The following MACROD2 variants were observed in gnomAD, a reference collection of about 807,000 sequenced individuals.
MACROD2 encodes mono-ADP ribosylhydrolase 2.
A neutral mutation model predicts 70.4 loss-of-function variants in MACROD2; 36 were observed. The ratio of observed to expected loss-of-function variants is 0.51; its 90% confidence interval spans 0.39 to 0.68. The LOEUF (loss-of-function observed/expected upper bound fraction) is 0.68. MACROD2 is among the 30% of genes least tolerant of loss of function. The probability of loss-of-function intolerance (pLI) is 0.00; values close to 1 mark genes in which losing one functional copy is unlikely to be tolerated. For missense variants in MACROD2, 496 were observed against 538.4 expected, an observed-to-expected ratio of 0.92 and a Z score of 0.78; for synonymous variants, 172 against 178.8, an observed-to-expected ratio of 0.96 and a Z score of 0.30.
At chr20:14,202,382 A>G (rs983374753) in intron 3 of MACROD2, among the ~76,000 whole-genome samples, 1 of 152,196 alleles carries the variant, frequency 6.6e-6, no homozygotes, top group African/African-American at 2.4e-5. Context: ...GAATTTGGAA[A>G]TTTTATTAGA....
chr20:15,036,624 A>C (rs1044736910), intron 5 of MACROD2, among the ~76,000 whole-genome samples: 1 of 152,120 alleles, frequency 6.6e-6, no homozygotes, highest in African/African-American at 2.4e-5. Context: ...GATGATTCCA[A>C]ATCACCACCG....
rs567235607 is a variant in MACROD2, at chr20:14,989,683, G to A, written c.419-240257G>A. ...TGTTTCTAGAACTGTCATAGCGCTG[G>A]TGGGTGTGTAATTTAAGATGTTAAT... On this transcript the variant is annotated intron_variant, in intron 5 of 17. Coordinates refer to ENST00000684519, the MANE Select transcript of MACROD2 (RefSeq NM_001351661.2). 5.7e-4 allele frequency among the ~76,000 whole-genome samples: 86 copies of A among 152,196 alleles called. No homozygotes were observed. In the South Asian group the frequency reaches 6.8e-3, roughly 12 times the overall value.
intron 3 of MACROD2, among the ~76,000 whole-genome samples, chr20:14,110,018 A>G (rs2148684563): frequency 6.6e-6 from 1 of 152,094 alleles, no homozygotes; most frequent in South Asian, 2.1e-4. Flanking sequence ...CATTAAAAAA[A>G]CCATTTATCA....
At chr20:15,288,304 GGC>G (rs2077509941) in intron 6 of MACROD2, among the ~76,000 whole-genome samples, 6 of 152,160 alleles carry the variant, frequency 3.9e-5, no homozygotes, top group African/African-American at 1.4e-4. Flanking sequence ...TTTTCAGGCA[GGC>G]TGTCTCCATG....
intron 4 of MACROD2, among the ~76,000 whole-genome samples, chr20:14,512,904 ACAT>A (rs2085046604): frequency 6.6e-6 from 1 of 152,110 alleles, no homozygotes; most frequent in Admixed American, 6.6e-5. Context: ...TGTAAACCTG[ACAT>A]CATGTGCAAA....
chr20:15,772,515 T>C (rs1271093185), intron 8 of MACROD2, among the ~76,000 whole-genome samples: 1 of 152,086 alleles, frequency 6.6e-6, no homozygotes, highest in Non-Finnish European at 1.5e-5. Context: ...GCTACTGTTA[T>C]GATTTGATTC....
At chr20:15,296,411 C>T (rs1953184011) in intron 6 of MACROD2, among the ~76,000 whole-genome samples, 1 of 152,206 alleles carries the variant, frequency 6.6e-6, no homozygotes. Context: ...TTGATGACTA[C>T]AAGGGTATTA....
intron 3 of MACROD2, among the ~76,000 whole-genome samples, chr20:14,394,897 G>A (rs1482006627): frequency 6.6e-6 from 1 of 152,068 alleles, no homozygotes; most frequent in Non-Finnish European, 1.5e-5. Flanking sequence ...AATTATATGG[G>A]TTGACCTTTG....
At chr20:15,392,150 G>A (rs1436659362) in intron 6 of MACROD2, among the ~76,000 whole-genome samples, 1 of 152,140 alleles carries the variant, frequency 6.6e-6, no homozygotes, top group African/African-American at 2.4e-5. Context: ...AAGCTTGAAA[G>A]CTGGTATTAA....
intron 5 of MACROD2, among the ~76,000 whole-genome samples, chr20:14,923,404 A>T (rs559750913): frequency 1.3e-5 from 2 of 152,224 alleles, no homozygotes; most frequent in South Asian, 4.1e-4. Context: ...TCTAGTAAAC[A>T]TCTAAAATGT....
intron 8 of MACROD2, among the ~76,000 whole-genome samples, chr20:15,652,049 T>C (rs1325892119): frequency 6.6e-6 from 1 of 152,108 alleles, no homozygotes; most frequent in Non-Finnish European, 1.5e-5. Flanking sequence ...CTTACCTACA[T>C]TTTATACTTG....
intron 3 of MACROD2, among the ~76,000 whole-genome samples, chr20:14,135,762 GAAATCTAGT>G (rs1204002271): frequency 1.3e-5 from 2 of 152,136 alleles, no homozygotes; most frequent in Non-Finnish European, 2.9e-5. Flanking sequence ...TAAAAACTCA[GAAATCTAGT>G]ATTAGAAGGG....
intron 4 of MACROD2, among the ~76,000 whole-genome samples, chr20:14,640,864 GC>G (rs1172908714): frequency 6.6e-6 from 1 of 152,198 alleles, no homozygotes; most frequent in African/African-American, 2.4e-5. Context: ...GGAGGCTCTT[GC>G]CTCAGTGTTG....
intron 15 of MACROD2, among the ~76,000 whole-genome samples, chr20:16,025,797 A>C (rs1466594028): frequency 6.6e-6 from 1 of 152,074 alleles, no homozygotes; most frequent in East Asian, 1.9e-4. Flanking sequence ...CAGGGATAAG[A>C]GATCCAAAGC....
chr20:15,726,757 C>T (rs1421584942), intron 8 of MACROD2, among the ~76,000 whole-genome samples: 1 of 152,000 alleles, frequency 6.6e-6, no homozygotes, highest in African/African-American at 2.4e-5. Flanking sequence ...ATGTCCTTTG[C>T]CTACTTTTTA....
intron 5 of MACROD2, among the ~76,000 whole-genome samples, chr20:15,225,182 A>C (rs1003788870): frequency 6.6e-6 from 1 of 152,066 alleles, no homozygotes; most frequent in South Asian, 2.1e-4. Flanking sequence ...AAATAAAAGA[A>C]AGATATACCT....
At chr20:14,798,300 C>A (rs950564518) in intron 5 of MACROD2, among the ~76,000 whole-genome samples, 10 of 152,032 alleles carry the variant, frequency 6.6e-5, no homozygotes, top group Admixed American at 5.2e-4. Context: ...TATAAATATA[C>A]TGAACAAAAG....
chr20:14,260,687 A>T (rs746067492), intron 3 of MACROD2, among the ~76,000 whole-genome samples: 1 of 152,214 alleles, frequency 6.6e-6, no homozygotes, highest in Non-Finnish European at 1.5e-5. Context: ...TCATATATCT[A>T]TCATTTGTTA....
intron 5 of MACROD2, among the ~76,000 whole-genome samples, chr20:15,101,760 A>G (rs763303013): frequency 6.6e-6 from 1 of 151,986 alleles, no homozygotes; most frequent in Non-Finnish European, 1.5e-5. Flanking sequence ...AGTAATTTAT[A>G]ATCTTAGAAG....
Sources: gnomAD v4.1 joint callset for allele counts (sites outside exome capture counted in the v4.1 genomes callset) on GRCh38, gnomAD v4.1.1 for gene constraint, MANE v1.5 for transcripts, NCBI Gene and HGNC (gene_info 2026-07-23, HGNC 2026-07-21) for gene names.